Variants in ZNRF2 observed in about 807,000 individuals in gnomAD.
ZNRF2 encodes the protein zinc and ring finger 2.
Under a neutral mutation model 20.4 loss-of-function variants are expected in ZNRF2, and 16 were observed. The observed-to-expected ratio is 0.79, with a 90% CI of 0.53 to 1.19. The LOEUF is 1.19. Among genes scored for constraint, ZNRF2 ranks in the 50% most tolerant of loss-of-function variants. The pLI, the probability that ZNRF2 is intolerant of heterozygous loss-of-function variation, is 0.00. For synonymous variants in ZNRF2, 178 were observed against 144.9 expected (o/e 1.23, Z -1.64); for missense variants, 363 against 332.4 (o/e 1.09, Z -0.72).
chr7:30,287,480 A>C (rs143478611), intron 1 of ZNRF2, among the ~76,000 whole-genome samples: 10,658 of 151,896 alleles, frequency 0.07, 843 homozygotes, highest in African/African-American at 0.23. Context: ...AAGAGCTGAT[A>C]ATTCCCTTTG....
intron 2 of ZNRF2, among the ~76,000 whole-genome samples, chr7:30,355,326 T>G (rs1222449581): frequency 6.6e-6 from 1 of 152,142 alleles, no homozygotes; most frequent in South Asian, 2.1e-4. Flanking sequence ...TTTAAAATTA[T>G]AATTTTATTT....
At chr7:30,311,889 G>C (rs747138584) in intron 1 of ZNRF2, among the ~76,000 whole-genome samples, 23 of 152,108 alleles carry the variant, frequency 1.5e-4, no homozygotes, top group Admixed American at 3.3e-4. Flanking sequence ...ATAGTAATCT[G>C]TTAATGTATA....
intron 1 of ZNRF2, among the ~76,000 whole-genome samples, chr7:30,297,264 C>G (rs1345485636): frequency 3.9e-5 from 6 of 152,152 alleles, no homozygotes; most frequent in African/African-American, 1.2e-4. Context: ...CTACCCTGTT[C>G]CGAATTGATT....
At chr7:30,315,739 G>C (rs1313367261) in intron 1 of ZNRF2, among the ~76,000 whole-genome samples, 7 of 88,668 alleles carry the variant, frequency 7.9e-5, no homozygotes, top group South Asian at 5.9e-4. Flanking sequence ...GGGGGGGGGG[G>C]GTTGGGTATA....
intron 1 of ZNRF2, among the ~76,000 whole-genome samples, chr7:30,306,822 A>T (rs1799213837): frequency 6.6e-6 from 1 of 152,142 alleles, no homozygotes; most frequent in African/African-American, 2.4e-5. Context: ...TCCAAATAAT[A>T]AGTAAAACAG....
intron 1 of ZNRF2, among the ~76,000 whole-genome samples, chr7:30,303,732 C>G (rs1476252879): frequency 6.6e-6 from 1 of 152,214 alleles, no homozygotes; most frequent in Non-Finnish European, 1.5e-5. Flanking sequence ...CCAGCAGCAT[C>G]AGCATCTCCT....
At chr7:30,343,032 T>A (rs982285828) in intron 2 of ZNRF2, among the ~76,000 whole-genome samples, 3 of 152,174 alleles carry the variant, frequency 2.0e-5, no homozygotes, top group Admixed American at 6.5e-5. Flanking sequence ...TGGCGAATGT[T>A]TCCTATTCAT....
chr7:30,344,081 C>G (rs1237729457), intron 2 of ZNRF2, among the ~76,000 whole-genome samples: 1 of 151,576 alleles, frequency 6.6e-6, no homozygotes, highest in African/African-American at 2.4e-5. Context: ...CATCATACAC[C>G]CAGCTAATTT....
At chr7:30,326,091 G>A (rs1349286468) in intron 2 of ZNRF2, among the ~76,000 whole-genome samples, 1 of 151,824 alleles carries the variant, frequency 6.6e-6, no homozygotes, top group Non-Finnish European at 1.5e-5. Flanking sequence ...TACTTTTTGT[G>A]TAATATATCT....
intron 1 of ZNRF2, among the ~76,000 whole-genome samples, chr7:30,312,654 G>A (rs915947942): frequency 6.6e-6 from 1 of 152,186 alleles, no homozygotes; most frequent in Admixed American, 6.5e-5. Flanking sequence ...GAAACATGAG[G>A]AAGGTATGTT....
intron 1 of ZNRF2, among the ~76,000 whole-genome samples, chr7:30,289,312 A>C (rs898992185): frequency 3.3e-5 from 5 of 152,178 alleles, no homozygotes; most frequent in South Asian, 2.1e-4. Context: ...ATTTCTAGGA[A>C]GATTTCTCTT....
intron 2 of ZNRF2, among the ~76,000 whole-genome samples, chr7:30,347,289 A>G (rs1799893549): frequency 6.6e-6 from 1 of 152,218 alleles, no homozygotes; most frequent in African/African-American, 2.4e-5. Flanking sequence ...CCTGTTGGTC[A>G]GTAGCCTGTC....
At chr7:30,320,024 C>T (rs1430563069) in intron 1 of ZNRF2, among the ~76,000 whole-genome samples, 1 of 152,064 alleles carries the variant, frequency 6.6e-6, no homozygotes, top group Non-Finnish European at 1.5e-5. Context: ...CATGTGTGTA[C>T]TACCTGTGTG....
intron 2 of ZNRF2, among the ~76,000 whole-genome samples, chr7:30,341,837 A>G (rs1207313391): frequency 6.6e-6 from 1 of 152,044 alleles, no homozygotes; most frequent in African/African-American, 2.4e-5. Flanking sequence ...ATCTCCCACT[A>G]TTATTGTGTG....
Position 30,323,623 on chromosome 7 carries a change from A to T in ZNRF2, c.470-19A>T. On this transcript the variant is annotated intron_variant, in intron 1 of 4. Transcript: ENST00000323037. ...ATATTCAGAATAGTTAAGTAACTTG[A>T]GTTTCTTTTGTTTTTTAGGATTTAA... 6.7e-7 allele frequency: 1 copy of T among 1,502,998 alleles called. No homozygotes were observed. Among genetic ancestry groups the T allele is most frequent in the African/African-American group, 1.4e-5 (1 of 70,846 alleles). 93.1% of individuals were successfully genotyped at this position (1,502,998 alleles called of 1,614,324 possible).
chr7:30,302,631 T>C (rs915510028), intron 1 of ZNRF2, among the ~76,000 whole-genome samples: 1 of 152,138 alleles, frequency 6.6e-6, no homozygotes, highest in Admixed American at 6.5e-5. Context: ...AAATTGGTTA[T>C]CTCGGACTAG....
intron 2 of ZNRF2, among the ~76,000 whole-genome samples, chr7:30,342,813 A>G (rs924709509): frequency 2.0e-5 from 3 of 151,722 alleles, no homozygotes; most frequent in South Asian, 2.1e-4. Context: ...TTTTTTTTAG[A>G]TGAGGTACTT....
chr7:30,345,881 G>T (rs775825924), intron 2 of ZNRF2, among the ~76,000 whole-genome samples: 6 of 152,110 alleles, frequency 3.9e-5, no homozygotes, highest in Non-Finnish European at 5.9e-5. Flanking sequence ...TACAGTTCCA[G>T]ATACAGCATT....
intron 1 of ZNRF2, among the ~76,000 whole-genome samples, chr7:30,303,285 A>G (rs1419314172): frequency 6.6e-6 from 1 of 151,040 alleles, no homozygotes; most frequent in South Asian, 2.1e-4. Context: ...AAAGAAAAAG[A>G]AAAAGAAAAC....
Sources: gnomAD v4.1 joint callset for allele counts (sites outside exome capture counted in the v4.1 genomes callset) on GRCh38, gnomAD v4.1.1 for gene constraint, MANE v1.5 for transcripts, NCBI Gene and HGNC (gene_info 2026-07-23, HGNC 2026-07-21) for gene names.